KAT6A: variants seen among roughly 807,000 people sequenced by gnomAD.
KAT6A encodes the protein histone acetyltransferase KAT6A.
A neutral mutation model predicts 198.4 loss-of-function variants in KAT6A; 9 were observed. The observed-to-expected ratio is 0.05, with a 90% confidence interval of 0.03 to 0.08. KAT6A has a LOEUF of 0.08. KAT6A is among the 10% of genes least tolerant of loss of function. The pLI, the probability that KAT6A is intolerant of heterozygous loss-of-function variation, is 1.00. For missense variants in KAT6A, 2,077 were observed against 2,509.9 expected (o/e 0.83, Z 3.69); for synonymous variants, 890 against 883.0 (o/e 1.01, Z -0.14).
chr8:41,992,883 C>G (rs1825012003), intron 2 of KAT6A, among the ~76,000 whole-genome samples: 1 of 151,936 alleles, frequency 6.6e-6, no homozygotes, highest in Non-Finnish European at 1.5e-5. Context: ...ACGAAGCAAA[C>G]ATAAAAGGGA....
In KAT6A at chr8:41,977,252, T is replaced by A. The variant is rs367844746; in HGVS notation, c.1119A>T (p.Gln373His). ...CTTCTTCTGATGATGATGATGCTGA[T>A]TGGCTGGAAAGAGTGATTTTTCGTT... ...GRKRKITLSS[Q>H]SASSSSEEGY... is the part of the protein sequence containing the mutation. Residue 373 changes from glutamine (Q) to histidine (H), a missense_variant, in exon 7 of 17, where the codon CAA becomes CAT. Transcript: ENST00000265713. The A allele has an allele frequency of 1.2e-6, 2 of 1,614,216 alleles. No homozygotes were observed. The highest frequency in any genetic ancestry group is 2.2e-5 in the South Asian group (2 of 91,086).
rs754809862 is a variant in KAT6A, at chr8:41,977,317, G to A, written c.1054C>T (p.Pro352Ser). ...LKKQNTVSKG[P>S]FSKVRTGPGR... ...GGGCCAGTTCGAACTTTGCTGAAGG[G>A]ACCTTTTGATCTAAACAATTAAACA... The change falls in exon 7 of 17, where the codon CCC (proline) becomes TCC (serine). Residue 352 changes from proline to serine, a missense_variant. Pro to Ser is a moderately conservative substitution (Grantham distance 74, BLOSUM62 -1). Coordinates refer to ENST00000265713, the MANE Select transcript of KAT6A (RefSeq NM_006766.5). The A allele has an allele frequency of 6.2e-7, 1 of 1,612,128 alleles. No individual in the cohort carries two copies. Among genetic ancestry groups the A allele is most frequent in the East Asian group, 2.2e-5 (1 of 44,862 alleles).
chr8:41,992,868 A>T (rs902095202), intron 2 of KAT6A, among the ~76,000 whole-genome samples: 7 of 152,194 alleles, frequency 4.6e-5, no homozygotes, highest in African/African-American at 1.7e-4. Context: ...CTTTATTACT[A>T]CTTAACGAAG....
intron 2 of KAT6A, among the ~76,000 whole-genome samples, chr8:42,030,714 G>A (rs1827065484): frequency 6.6e-6 from 1 of 151,838 alleles, no homozygotes. Flanking sequence ...ACAGAAGCCT[G>A]CCACCACACC....
intron 16 of KAT6A, 66 bp downstream of exon 16, chr8:41,937,190 C>CT: frequency 8.0e-7 from 1 of 1,255,834 alleles, no homozygotes; most frequent in Non-Finnish European, 1.1e-6. Context: ...ACTGAAGGGT[C>CT]TGTCACTGCT....
chr8:41,953,983 A>G (rs1020607714), intron 9 of KAT6A, among the ~76,000 whole-genome samples: 1 of 152,200 alleles, frequency 6.6e-6, no homozygotes, highest in Non-Finnish European at 1.5e-5. Context: ...CAGCTCATGA[A>G]ACAGTGTGCT....
At chr8:41,975,343 GA>G (rs894829206) in intron 7 of KAT6A, among the ~76,000 whole-genome samples, 1 of 152,030 alleles carries the variant, frequency 6.6e-6, no homozygotes, top group African/African-American at 2.4e-5. Context: ...GGGTAAATAT[GA>G]AAACGTATGA....
chr8:41,936,262 A>G (rs924108591), intron 16 of KAT6A, among the ~76,000 whole-genome samples: 2 of 152,122 alleles, frequency 1.3e-5, no homozygotes, highest in Non-Finnish European at 2.9e-5. Context: ...CTCCATCTCA[A>G]AAAAATAAAA....
At chr8:41,969,720 T>C (rs907222102) in intron 8 of KAT6A, among the ~76,000 whole-genome samples, 7 of 152,242 alleles carry the variant, frequency 4.6e-5, no homozygotes, top group Admixed American at 4.6e-4. Flanking sequence ...ACTGCAATTA[T>C]GATAAAAACC....
rs760136442 is a variant in KAT6A, at chr8:42,048,341, T to G, written c.600+37A>C. 5 of 1,597,120 alleles carry G rather than the reference T, an allele frequency of 3.1e-6. No homozygotes were observed. The South Asian group carries it at 5.6e-5, about 18-fold the overall frequency. On this transcript the variant is annotated intron_variant, in intron 2 of 16. Coordinates refer to ENST00000265713, the MANE Select transcript of KAT6A (RefSeq NM_006766.5). ...TGTGAATTTGTAGCATCCTATATCA[T>G]CAGCTCTATAAACCCCGAAGCATAT... is the stretch of plus-strand genomic sequence containing the variant.
intron 2 of KAT6A, among the ~76,000 whole-genome samples, chr8:42,022,716 A>G (rs1826609244): frequency 6.6e-6 from 1 of 152,224 alleles, no homozygotes; most frequent in Non-Finnish European, 1.5e-5. Context: ...ACTTCTAGGG[A>G]CTTATAAGTG....
intron 2 of KAT6A, among the ~76,000 whole-genome samples, chr8:42,012,062 A>T (rs1826048270): frequency 6.6e-6 from 1 of 152,216 alleles, no homozygotes; most frequent in Non-Finnish European, 1.5e-5. Flanking sequence ...ACAATGAAAT[A>T]CCACTATCTA....
chr8:42,046,491 A>C (rs1467228623), intron 2 of KAT6A, among the ~76,000 whole-genome samples: 2 of 152,318 alleles, frequency 1.3e-5, no homozygotes, highest in Admixed American at 1.3e-4. Flanking sequence ...AGACTGCACC[A>C]CTGCACTCCA....
chr8:41,991,931 G>A (rs561170632), intron 2 of KAT6A, among the ~76,000 whole-genome samples: 1 of 152,230 alleles, frequency 6.6e-6, no homozygotes, highest in East Asian at 1.9e-4. Flanking sequence ...AGAAACAAAA[G>A]AAGTAATGAC....
chr8:42,013,492 C>G (rs564012080), intron 2 of KAT6A, among the ~76,000 whole-genome samples: 60 of 152,260 alleles, frequency 3.9e-4, no homozygotes, highest in African/African-American at 1.3e-3. Flanking sequence ...CTTGGCCTCC[C>G]AAAGTGCTGG....
chr8:41,976,591 T>C (rs1824066179), intron 7 of KAT6A, among the ~76,000 whole-genome samples: 1 of 150,148 alleles, frequency 6.7e-6, no homozygotes, highest in African/African-American at 2.5e-5. Flanking sequence ...TTTTGGTCTT[T>C]TTTTTATGCT....
In KAT6A at chr8:41,974,536, G is replaced by A. The variant is rs553475448; in HGVS notation, c.1482+168C>T. On this transcript the variant is annotated intron_variant, in intron 8 of 16. Transcript: ENST00000265713. The stretch of plus-strand genomic sequence containing the variant: ...TCTGCAAAACCAAAGCAGTTATCAT[G>A]GGTTTGAAAGGAATATTATAAACAG... 2.3e-4 allele frequency: 105 copies of A among 448,070 alleles called. 1 individual carries two copies. In the East Asian group the frequency reaches 2.4e-3, roughly 10 times the overall value. The allele number at this position is 448,070 out of a possible 1,614,324, so 27.8% of individuals were successfully genotyped here.
intron 14 of KAT6A, chr8:41,941,968 A>G (rs1822162085): frequency 5.6e-6 from 1 of 177,080 alleles, no homozygotes; most frequent in Admixed American, 6.3e-5. Flanking sequence ...GAAATATGAA[A>G]GAAAGTTTAT....
intron 2 of KAT6A, among the ~76,000 whole-genome samples, chr8:41,998,353 G>A (rs1051419843): frequency 2.0e-5 from 3 of 152,088 alleles, no homozygotes; most frequent in Non-Finnish European, 4.4e-5. Context: ...CTCATCCTTT[G>A]TTGGAAAGTG....
Sources: allele counts gnomAD v4.1 joint callset (sites outside exome capture counted in the v4.1 genomes callset), GRCh38; gene constraint gnomAD v4.1.1; transcripts MANE v1.5; gene names NCBI Gene and HGNC (gene_info 2026-07-23, HGNC 2026-07-21).